The following MTREX variants were observed in gnomAD, a reference collection of about 807,000 sequenced individuals.
The protein encoded by MTREX is Mtr4 exosome RNA helicase.
MTREX carries 76 observed loss-of-function variants against 135.4 expected under a neutral mutation model. The observed-to-expected ratio is 0.56, with a 90% CI of 0.47 to 0.68. MTREX has a LOEUF of 0.68. Among genes scored for constraint, MTREX ranks in the 30% least tolerant of loss-of-function variants. MTREX has a pLI of 0.00. For missense variants in MTREX, 920 were observed against 1,262.1 expected, an observed-to-expected ratio of 0.73 and a Z score of 4.11; for synonymous variants, 404 against 401.6, an observed-to-expected ratio of 1.01 and a Z score of -0.07.
Position 55,378,296 on chromosome 5 carries a change from CAT to C in MTREX, c.1811-17_1811-16del. The C allele has an allele frequency of 6.4e-7, 1 of 1,562,620 alleles. No homozygotes were observed. The highest frequency in any genetic ancestry group is 8.6e-7 in the Non-Finnish European group (1 of 1,162,032). On this transcript the variant is annotated splice_polypyrimidine_tract_variant and intron_variant, in intron 16 of 26. Transcript: ENST00000230640. ...AGATGTATAACCTTTTAATTTTGTA[CAT>C]GTGTTCTATTTACAGAGGTAAAGAA...
intron 9 of MTREX, among the ~76,000 whole-genome samples, 182 bp from the exon 10 acceptor site, chr5:55,344,912 T>A (rs1461382966): frequency 6.6e-6 from 1 of 152,198 alleles, no homozygotes; most frequent in African/African-American, 2.4e-5. Context: ...TTGCTTTTCT[T>A]CATTTTTTAT....
rs2112040970 is a variant in MTREX at position 55,329,298 on chromosome 5, T to TG, written c.515+490dup. 1.3e-5 allele frequency: 2 copies of TG among 152,404 alleles called. 1 individual carries two copies. The highest frequency in any genetic ancestry group is 4.8e-5 in the African/African-American group (2 of 41,500). 9.4% of individuals were successfully genotyped at this position (152,404 alleles called of 1,614,324 possible). A position where few individuals can be genotyped will look rare whatever the true frequency, so the allele number is the denominator to read the frequency against. On this transcript the variant is annotated intron_variant, in intron 5 of 26. Transcript: ENST00000230640. ...CTCCTGCCTCAGCCTTCCTAGTAGATGGGACTAAAAGCGTGCACCATCACA... is the reference window on the plus strand; with the variant it reads ...CTCCTGCCTCAGCCTTCCTAGTAGATGGGGACTAAAAGCGTGCACCATCACA...
intron 16 of MTREX, among the ~76,000 whole-genome samples, chr5:55,375,003 A>G (rs6867340): frequency 0.13 from 19,267 of 152,212 alleles, 1,474 homozygotes; most frequent in East Asian, 0.26. Context: ...CCCACAAGCC[A>G]CAAAAACCAG....
chr5:55,343,017 A>G (rs975937511), intron 7 of MTREX, among the ~76,000 whole-genome samples: 1 of 152,204 alleles, frequency 6.6e-6, no homozygotes, highest in African/African-American at 2.4e-5. Flanking sequence ...TTACTTTTCA[A>G]TGTGCAGTAG....
intron 19 of MTREX, among the ~76,000 whole-genome samples, chr5:55,389,669 C>T (rs1462383469): frequency 6.6e-6 from 1 of 152,040 alleles, no homozygotes; most frequent in Non-Finnish European, 1.5e-5. Flanking sequence ...CCTTTACAGA[C>T]AAGAATTATA....
intron 8 of MTREX, 79 bp downstream of exon 8, chr5:55,343,534 T>C: frequency 1.6e-6 from 2 of 1,223,270 alleles, no homozygotes; most frequent in Non-Finnish European, 1.2e-6. Flanking sequence ...CCTTTGCTTT[T>C]CTCCTGATGT....
intron 21 of MTREX, among the ~76,000 whole-genome samples, chr5:55,402,656 A>T (rs543012491): frequency 2.0e-5 from 3 of 152,302 alleles, no homozygotes; most frequent in East Asian, 3.9e-4. Flanking sequence ...TTTAGCAAAA[A>T]TATAAAATAC....
intron 13 of MTREX, 34 bp from the exon 14 acceptor site, chr5:55,353,134 A>G: frequency 7.1e-7 from 1 of 1,409,006 alleles, no homozygotes; most frequent in Non-Finnish European, 9.6e-7. Flanking sequence ...AGCTTAAAAT[A>G]CATGTTTAAT....
intron 5 of MTREX, among the ~76,000 whole-genome samples, chr5:55,332,747 T>G (rs952390871): frequency 6.6e-6 from 1 of 152,198 alleles, no homozygotes; most frequent in Non-Finnish European, 1.5e-5. Context: ...TCATCACCTC[T>G]TAAAGGCCCT....
chr5:55,340,257 G>C, intron 6 of MTREX, 73 bp downstream of exon 6: 23 of 1,251,296 alleles, frequency 1.8e-5, no homozygotes, highest in Non-Finnish European at 2.3e-5. Flanking sequence ...TAGAACCTGG[G>C]AAGTTTTATT....
At chr5:55,394,577 A>C (rs983690101) in intron 19 of MTREX, among the ~76,000 whole-genome samples, 3 of 152,090 alleles carry the variant, frequency 2.0e-5, no homozygotes, top group African/African-American at 7.2e-5. Context: ...CTGGTATGAG[A>C]ATCTAATGCT....
intron 14 of MTREX, among the ~76,000 whole-genome samples, chr5:55,357,749 T>C (rs1749944491): frequency 6.6e-6 from 1 of 152,174 alleles, no homozygotes; most frequent in South Asian, 2.1e-4. Context: ...TCTGGACCCT[T>C]TCCACAGAAG....
chr5:55,316,553 A>C lies in MTREX; in HGVS notation c.135-5774A>C, dbSNP rs150890627. Among the ~76,000 whole-genome samples, 15 of 152,332 alleles carry C rather than the reference A, an allele frequency of 9.8e-5. No homozygotes were observed. In the East Asian group the frequency reaches 2.9e-3, roughly 29 times the overall value. ...AAAAACCACATGATTATTTCAATAC[A>C]TGCAGAAAAGGCCTTCGATAAAATT... On this transcript the variant is annotated intron_variant, in intron 1 of 26. Coordinates refer to ENST00000230640, the MANE Select transcript of MTREX (RefSeq NM_015360.5).
intron 1 of MTREX, among the ~76,000 whole-genome samples, chr5:55,312,852 GT>G (rs957036168): frequency 6.6e-6 from 1 of 152,084 alleles, no homozygotes; most frequent in Non-Finnish European, 1.5e-5. Context: ...TAGCTTATGT[GT>G]TTTTTGGATT....
At chr5:55,351,392 C>T (rs754678208) in intron 13 of MTREX, among the ~76,000 whole-genome samples, 6 of 151,976 alleles carry the variant, frequency 3.9e-5, no homozygotes, top group Non-Finnish European at 7.4e-5. Context: ...ATTAGCCAGT[C>T]GTGGTGGCAA....
chr5:55,310,089 T>G (rs1162709328), intron 1 of MTREX, among the ~76,000 whole-genome samples: 17 of 152,374 alleles, frequency 1.1e-4, no homozygotes, highest in African/African-American at 4.1e-4. Flanking sequence ...GTATATACTT[T>G]ACCTCAAATT....
chr5:55,416,219 AT>A lies in MTREX; in HGVS notation c.2971+92del, dbSNP rs1394790798. ...TTTTAATTAAACAAGTATAATATGT[AT>A]TTTTAATATTTGGTAACTAAATGAA... On this transcript the variant is annotated intron_variant, in intron 25 of 26. Transcript: ENST00000230640. 7 of 801,494 alleles carry A rather than the reference AT, an allele frequency of 8.7e-6. No homozygotes were observed. In the African/African-American group the frequency reaches 1.3e-4, roughly 15 times the overall value. The allele number at this position is 801,494 out of a possible 1,614,324, so 49.6% of individuals were successfully genotyped here. A position where few individuals can be genotyped will look rare whatever the true frequency, so the allele number is the denominator to read the frequency against.
chr5:55,418,740 C>A (rs1751010591), intron 25 of MTREX, among the ~76,000 whole-genome samples: 1 of 151,902 alleles, frequency 6.6e-6, no homozygotes, highest in Non-Finnish European at 1.5e-5. Flanking sequence ...AAAATGAGAA[C>A]CTTCATTTTC....
At chr5:55,356,408 C>A in intron 14 of MTREX, 1 of 200,780 alleles carries the variant, frequency 5.0e-6, no homozygotes, top group Admixed American at 4.8e-5. Context: ...AACACGTGGA[C>A]TGGGCATATT....
Sources: gnomAD v4.1 joint callset for allele counts (sites outside exome capture counted in the v4.1 genomes callset) on GRCh38, gnomAD v4.1.1 for gene constraint, MANE v1.5 for transcripts, NCBI Gene and HGNC (gene_info 2026-07-23, HGNC 2026-07-21) for gene names.